Variants in SLCO4A1 observed in about 807,000 individuals in gnomAD.
The protein encoded by SLCO4A1 is colon organic anion transporter.
A neutral mutation model predicts 64.6 loss-of-function variants in SLCO4A1; 51 were observed. That is an observed-to-expected ratio of 0.79 (90% confidence interval 0.63 to 1.00). The LOEUF (loss-of-function observed/expected upper bound fraction) is 1.00. SLCO4A1 is among the 50% of genes least tolerant of loss of function. The pLI is 0.00. For synonymous variants in SLCO4A1, 471 were observed against 444.9 expected, an observed-to-expected ratio of 1.06 and a Z score of -0.74; for missense variants, 919 against 980.5, an observed-to-expected ratio of 0.94 and a Z score of 0.84.
chr20:62,682,928 C>T (rs1337495187), intron 2 of SLCO4A1, among the ~76,000 whole-genome samples: 1 of 152,224 alleles, frequency 6.6e-6, no homozygotes, highest in Non-Finnish European at 1.5e-5. Context: ...GCATCCTCGC[C>T]AGTCCAGGGC....
intron 1 of SLCO4A1, among the ~76,000 whole-genome samples, chr20:62,653,759 A>G (rs1438100768): frequency 6.6e-6 from 1 of 152,138 alleles, no homozygotes; most frequent in Non-Finnish European, 1.5e-5. Context: ...GTAAGAAATG[A>G]CCACACACCA....
At chr20:62,652,419 G>C (rs3908923) in intron 1 of SLCO4A1, among the ~76,000 whole-genome samples, 1 of 152,002 alleles carries the variant, frequency 6.6e-6, no homozygotes, top group East Asian at 1.9e-4. Context: ...TTCGGCGGCC[G>C]GCGGCCGGTG....
intron 5 of SLCO4A1, among the ~76,000 whole-genome samples, chr20:62,663,994 C>T (rs572367455): frequency 9.2e-5 from 14 of 152,316 alleles, no homozygotes; most frequent in African/African-American, 3.4e-4. Context: ...CTCCATTCAC[C>T]CCCCAGGGCC....
chr20:62,675,603 C>T (rs928748269), downstream of SLCO4A1, among the ~76,000 whole-genome samples: 4 of 152,224 alleles, frequency 2.6e-5, no homozygotes, highest in Non-Finnish European at 5.9e-5. Context: ...CCCAGCCCCC[C>T]AGGCCTGATG....
rs1481908839 is a variant in SLCO4A1, at chr20:62,642,991, T to C, written c.-97+438T>C. 4.3e-6 allele frequency: 2 copies of C among 469,508 alleles called. 1 individual carries two copies. The allele number at this position is 469,508 out of a possible 1,614,324, so 29.1% of individuals were successfully genotyped here. A position where few individuals can be genotyped will look rare whatever the true frequency, so the allele number is the denominator to read the frequency against. On this transcript the variant is annotated intron_variant, in intron 1 of 11. Coordinates refer to ENST00000217159, the MANE Select transcript of SLCO4A1 (RefSeq NM_016354.4). ...GGGGACGAACGCGCCTCCGCGGAGCTCCAGAGTTGCGGAGTCACCCACCTG... is the reference window on the plus strand; with the variant it reads ...GGGGACGAACGCGCCTCCGCGGAGCCCCAGAGTTGCGGAGTCACCCACCTG...
chr20:62,666,706 G>A, intron 7 of SLCO4A1, 131 bp downstream of exon 7: 2 of 795,280 alleles, frequency 2.5e-6, no homozygotes, highest in South Asian at 3.2e-5. Flanking sequence ...ACAGCGGCAA[G>A]GGCAACACCC....
Position 62,682,544 on chromosome 20 carries a change from G to A in SLCO4A1, n.212-2897G>A, listed in dbSNP as rs531945425. 3.9e-4 allele frequency among the ~76,000 whole-genome samples: 59 copies of A among 152,266 alleles called. 1 individual carries two copies. In the South Asian group the frequency reaches 0.012, roughly 31 times the overall value. ...GAGGGGACTGAGGCTCTCCACTCAGGGGGATAGTGGGACATTCCATGAGTC... is the reference window on the plus strand; with the variant it reads ...GAGGGGACTGAGGCTCTCCACTCAGAGGGATAGTGGGACATTCCATGAGTC... On this transcript the variant is annotated intron_variant and non_coding_transcript_variant, in intron 2 of 2. Coordinates refer to the SLCO4A1 transcript ENST00000466818.
intron 5 of SLCO4A1, among the ~76,000 whole-genome samples, chr20:62,662,029 G>T (rs1297565296): frequency 6.6e-6 from 1 of 152,138 alleles, no homozygotes; most frequent in Non-Finnish European, 1.5e-5. Flanking sequence ...GTAGCAGCAG[G>T]TCCCTGAGCT....
chr20:62,686,848 C>A (rs1343877035), downstream of SLCO4A1, among the ~76,000 whole-genome samples: 4 of 151,466 alleles, frequency 2.6e-5, no homozygotes, highest in Admixed American at 2.6e-4. Flanking sequence ...CCCGAACAGG[C>A]ACGATGGGTA....
rs1041433228 is a variant in SLCO4A1 at position 62,665,004 on chromosome 20, C to G, written c.1192C>G (p.Leu398Val). The change falls in exon 6 of 12, where the codon CTC (leucine) becomes GTC (valine). Residue 398 changes from leucine (L) to valine (V), a missense_variant. By Grantham distance (32) the Leu-to-Val change is conservative. Coordinates refer to ENST00000217159, the MANE Select transcript of SLCO4A1 (RefSeq NM_016354.4). ...CCTGGCCGGGGCCACCGAGGCCACT[C>G]TCATCACCGGCATGTCCACGTTCAG... ...LCLAGATEATLITGMSTFSPK... is the reference protein window; with the variant it reads ...LCLAGATEATVITGMSTFSPK... The G allele has an allele frequency of 3.1e-6, 5 of 1,613,950 alleles. No homozygotes were observed. Among genetic ancestry groups the G allele is most frequent in the South Asian group, 2.2e-5 (2 of 91,080 alleles).
downstream of SLCO4A1, among the ~76,000 whole-genome samples, chr20:62,687,173 C>T (rs146524003): frequency 2.2e-4 from 32 of 147,822 alleles, no homozygotes; most frequent in African/African-American, 6.5e-4. Flanking sequence ...ATGGAAAGGG[C>T]GCCCCCAAAC....
intron 3 of SLCO4A1, among the ~76,000 whole-genome samples, chr20:62,659,156 C>T (rs1403753197): frequency 2.6e-5 from 4 of 152,104 alleles, no homozygotes; most frequent in Admixed American, 6.5e-5. Context: ...GAGGGAGAGG[C>T]AGAGAGAGAC....
At chr20:62,683,713 G>A (rs1353224842) in intron 2 of SLCO4A1, among the ~76,000 whole-genome samples, 4 of 152,192 alleles carry the variant, frequency 2.6e-5, no homozygotes, top group African/African-American at 9.6e-5. Flanking sequence ...GACACCATGT[G>A]GCCTCGGAGT....
downstream of SLCO4A1, among the ~76,000 whole-genome samples, chr20:62,673,924 C>T (rs1474986582): frequency 1.3e-5 from 2 of 152,240 alleles, no homozygotes; most frequent in African/African-American, 4.8e-5. Flanking sequence ...AGCTAACCAA[C>T]ACACTGGGCA....
chr20:62,662,342 C>T (rs1985131984), intron 5 of SLCO4A1, among the ~76,000 whole-genome samples: 1 of 152,074 alleles, frequency 6.6e-6, no homozygotes, highest in African/African-American at 2.4e-5. Flanking sequence ...CGTGTAGGCA[C>T]TGGCTCACCC....
intron 1 of SLCO4A1, among the ~76,000 whole-genome samples, chr20:62,646,434 G>A (rs1049647524): frequency 6.6e-6 from 1 of 152,246 alleles, no homozygotes; most frequent in Admixed American, 6.5e-5. Context: ...TCTGTAAAGG[G>A]GTCCCCCCAC....
chr20:62,684,816 G>A lies in SLCO4A1; in HGVS notation n.212-625G>A, dbSNP rs62199950. ...CCAGCAATCCCCACACCTGGAAGTC[G>A]CTCATTAAGACCTCATTAGCCCGTG... On this transcript the variant is annotated intron_variant and non_coding_transcript_variant, in intron 2 of 2. Transcript: ENST00000466818. 9.7e-3 allele frequency among the ~76,000 whole-genome samples: 1,481 copies of A among 152,202 alleles called. 8 individuals carry two copies. Among genetic ancestry groups the A allele is most frequent in the Middle Eastern group, 0.031 (9 of 294 alleles).
intron 2 of SLCO4A1, among the ~76,000 whole-genome samples, chr20:62,678,459 A>G (rs2147114143): frequency 6.6e-6 from 1 of 152,022 alleles, no homozygotes; most frequent in South Asian, 2.1e-4. Flanking sequence ...TAACACAGAA[A>G]TTCCACTCCT....
chr20:62,653,415 C>G (rs1982986461), intron 1 of SLCO4A1, among the ~76,000 whole-genome samples: 2 of 152,234 alleles, frequency 1.3e-5, no homozygotes, highest in Admixed American at 6.5e-5. Flanking sequence ...CCCGGTTTAT[C>G]TGCCTTCACA....
Sources: gnomAD v4.1 joint callset for allele counts (sites outside exome capture counted in the v4.1 genomes callset) on GRCh38, gnomAD v4.1.1 for gene constraint, MANE v1.5 for transcripts, NCBI Gene and HGNC (gene_info 2026-07-23, HGNC 2026-07-21) for gene names.